The following CMIP variants were observed in gnomAD, a reference collection of about 807,000 sequenced individuals.
CMIP encodes C-Maf-inducing protein.
In CMIP, 13 loss-of-function variants were observed where a neutral mutation model predicts 97.3. The observed-to-expected ratio is 0.13, with a 90% confidence interval of 0.09 to 0.21. The LOEUF is 0.21. Among genes scored for constraint, CMIP ranks in the 10% least tolerant of loss-of-function variants. The probability of loss-of-function intolerance (pLI) is 1.00; values close to 1 mark genes in which losing one functional copy is unlikely to be tolerated. For synonymous variants in CMIP, 538 were observed against 436.3 expected (o/e 1.23, Z -2.91); for missense variants, 847 against 1,024.9 (o/e 0.83, Z 2.37).
rs1346537295 is a variant in CMIP, at chr16:81,660,956, T to G, written c.744+10T>G. ...TGAATTCTTTTGCAAGGTACGGGATTGCTGAGCTGGGGCTGTGGCTGCAGG... is the reference window on the plus strand; with the variant it reads ...TGAATTCTTTTGCAAGGTACGGGATGGCTGAGCTGGGGCTGTGGCTGCAGG... On this transcript the variant is annotated intron_variant, in intron 6 of 20. Coordinates refer to ENST00000537098, the MANE Select transcript of CMIP (RefSeq NM_198390.3). 1 of 1,613,900 alleles carries G rather than the reference T, an allele frequency of 6.2e-7. No individual in the cohort carries two copies. Among genetic ancestry groups the G allele is most frequent in the Non-Finnish European group, 8.5e-7 (1 of 1,179,892 alleles).
chr16:81,647,269 C>G (rs1261105118), intron 3 of CMIP, among the ~76,000 whole-genome samples: 1 of 152,206 alleles, frequency 6.6e-6, no homozygotes. Flanking sequence ...TAAAGCCAGA[C>G]CTTGGCAAAC....
chr16:81,700,092 A>G (rs946423643), intron 15 of CMIP, among the ~76,000 whole-genome samples: 1 of 152,132 alleles, frequency 6.6e-6, no homozygotes, highest in Non-Finnish European at 1.5e-5. Flanking sequence ...TTAAAACAAG[A>G]TCGTTCATTT....
At chr16:81,605,567 A>C (rs1036553750) in intron 1 of CMIP, among the ~76,000 whole-genome samples, 1 of 152,064 alleles carries the variant, frequency 6.6e-6, no homozygotes, top group Non-Finnish European at 1.5e-5. Flanking sequence ...TCCAGGAGTG[A>C]CCCACCCTTC....
chr16:81,610,374 C>G (rs1000704831), intron 2 of CMIP: 4 of 985,474 alleles, frequency 4.1e-6, no homozygotes, highest in Non-Finnish European at 4.8e-6. Flanking sequence ...CTCACTGCCC[C>G]CTGATCCCGT....
intron 1 of CMIP, among the ~76,000 whole-genome samples, chr16:81,532,990 C>G (rs573770319): frequency 6.6e-6 from 1 of 152,158 alleles, no homozygotes; most frequent in Non-Finnish European, 1.5e-5. Flanking sequence ...TGCCTGTTGT[C>G]TAAACACCCA....
intron 6 of CMIP, among the ~76,000 whole-genome samples, chr16:81,661,632 C>T (rs2092547939): frequency 6.6e-6 from 1 of 152,226 alleles, no homozygotes; most frequent in African/African-American, 2.4e-5. Context: ...CACCCGCTGT[C>T]CTTTGGAGAG....
intron 7 of CMIP, among the ~76,000 whole-genome samples, chr16:81,667,797 A>AGG (rs1474036026): frequency 1.5e-5 from 1 of 64,966 alleles, no homozygotes; most frequent in Non-Finnish European, 2.9e-5. Context: ...AGAGAGAGAG[A>AGG]GAGTGTGTGT....
At chr16:81,702,812 G>C (rs1370695980) in intron 17 of CMIP, 143 bp downstream of exon 17, 2 of 707,162 alleles carry the variant, frequency 2.8e-6, no homozygotes, top group Non-Finnish European at 5.1e-6. Context: ...TAACACGCCA[G>C]CTCTTCCAGG....
chr16:81,650,455 G>T (rs1026806506), intron 3 of CMIP, among the ~76,000 whole-genome samples: 2 of 152,154 alleles, frequency 1.3e-5, no homozygotes, highest in Admixed American at 1.3e-4. Flanking sequence ...GAGGAGAAGG[G>T]AGAGATGACG....
intron 2 of CMIP, among the ~76,000 whole-genome samples, chr16:81,618,258 T>G (rs1482908585): frequency 6.6e-6 from 1 of 152,124 alleles, no homozygotes; most frequent in Non-Finnish European, 1.5e-5. Context: ...CGGGGAGAAT[T>G]CGTTTCCAGC....
intron 1 of CMIP, among the ~76,000 whole-genome samples, chr16:81,586,949 G>A (rs2091392802): frequency 6.6e-6 from 1 of 152,222 alleles, no homozygotes; most frequent in South Asian, 2.1e-4. Context: ...AATCTGGGGT[G>A]TTCCGGAATT....
In CMIP at chr16:81,678,640, C is replaced by T. The variant is rs116076438; in HGVS notation, c.1388+12C>T. ...ATCCTCAAGCTGCTGTGAGTGCCCC[C>T]CCCGCGTGCCCGCCCCCGGGGCCGG... On this transcript the variant is annotated intron_variant, in intron 10 of 20. Coordinates refer to ENST00000537098, the MANE Select transcript of CMIP (RefSeq NM_198390.3). 0.016 allele frequency: 21,641 copies of T among 1,362,312 alleles called. 291 individuals are homozygous for T. Among genetic ancestry groups the T allele is most frequent in the African/African-American group, 0.049 (3,483 of 70,588 alleles). The allele number at this position is 1,362,312 out of a possible 1,614,324, so 84.4% of individuals were successfully genotyped here. A position where few individuals can be genotyped will look rare whatever the true frequency, so the allele number is the denominator to read the frequency against.
intron 1 of CMIP, among the ~76,000 whole-genome samples, chr16:81,538,299 C>T (rs991649586): frequency 3.9e-5 from 6 of 152,148 alleles, no homozygotes; most frequent in East Asian, 3.9e-4. Flanking sequence ...AAGACATAGG[C>T]GGCCCCCGGC....
chr16:81,525,820 T>G (rs1457846475), intron 1 of CMIP, among the ~76,000 whole-genome samples: 2 of 152,342 alleles, frequency 1.3e-5, no homozygotes, highest in East Asian at 3.9e-4. Context: ...TTTCTGTGTG[T>G]ATGCATTTGA....
intron 3 of CMIP, among the ~76,000 whole-genome samples, chr16:81,638,778 C>G (rs1597178930): frequency 6.6e-6 from 1 of 152,100 alleles, no homozygotes; most frequent in Non-Finnish European, 1.5e-5. Context: ...GCCTCCTGTC[C>G]GCACAGCCTC....
intron 1 of CMIP, among the ~76,000 whole-genome samples, chr16:81,567,398 AC>A (rs1168937490): frequency 6.6e-6 from 1 of 152,244 alleles, no homozygotes; most frequent in Admixed American, 6.5e-5. Flanking sequence ...TGGCCTGGCC[AC>A]ATCCTCACCT....
chr16:81,584,033 A>G (rs991863893), intron 1 of CMIP, among the ~76,000 whole-genome samples: 12 of 152,224 alleles, frequency 7.9e-5, no homozygotes, highest in Non-Finnish European at 1.8e-4. Context: ...ATTGAAGGGC[A>G]AGAAGCAGCT....
intron 3 of CMIP, among the ~76,000 whole-genome samples, chr16:81,640,287 C>CG (rs2092287921): frequency 1.5e-4 from 3 of 19,574 alleles, no homozygotes; most frequent in South Asian, 2.2e-3. Flanking sequence ...GGACATCAGG[C>CG]CCCCCCCCCC....
chr16:81,449,778 CAG>C (rs2150727801), intron 1 of CMIP, among the ~76,000 whole-genome samples: 1 of 151,966 alleles, frequency 6.6e-6, no homozygotes, highest in Non-Finnish European at 1.5e-5. Context: ...GGGGCTGAGA[CAG>C]AGAGGAGAAA....
Sources: allele counts gnomAD v4.1 joint callset (sites outside exome capture counted in the v4.1 genomes callset), GRCh38; gene constraint gnomAD v4.1.1; transcripts MANE v1.5; gene names NCBI Gene and HGNC (gene_info 2026-07-23, HGNC 2026-07-21).